Variants in CNTNAP4 observed in about 807,000 individuals in gnomAD.
CNTNAP4 encodes contactin-associated protein-like 4.
A neutral mutation model predicts 148.4 loss-of-function variants in CNTNAP4; 98 were observed. The observed-to-expected ratio is 0.66, with a 90% CI of 0.56 to 0.78. The LOEUF is 0.78. Ranked by LOEUF, CNTNAP4 falls within the 30% of genes least tolerant of loss-of-function variation. The pLI is 0.00. For missense variants in CNTNAP4, 1,935 were observed against 1,565.6 expected (o/e 1.24, Z -3.98); for synonymous variants, 730 against 565.1 (o/e 1.29, Z -4.14).
chr16:76,300,117 A>G (rs1392356843), intron 1 of CNTNAP4, among the ~76,000 whole-genome samples: 1 of 152,210 alleles, frequency 6.6e-6, no homozygotes, highest in Non-Finnish European at 1.5e-5. Context: ...CACGTTGTGC[A>G]CATCTACCCT....
chr16:76,282,523 G>C (rs1328571128), intron 1 of CNTNAP4, among the ~76,000 whole-genome samples: 1 of 151,806 alleles, frequency 6.6e-6, no homozygotes, highest in Non-Finnish European at 1.5e-5. Flanking sequence ...GATCATATGA[G>C]GAAAATGTTT....
chr16:76,478,810 T>C (rs1025884499), intron 11 of CNTNAP4, among the ~76,000 whole-genome samples: 4 of 152,168 alleles, frequency 2.6e-5, no homozygotes, highest in Non-Finnish European at 5.9e-5. Flanking sequence ...TTATCTTGAG[T>C]TCTCATTATG....
intron 2 of CNTNAP4, among the ~76,000 whole-genome samples, chr16:76,317,942 G>C (rs1161980777): frequency 6.6e-6 from 1 of 152,136 alleles, no homozygotes; most frequent in Non-Finnish European, 1.5e-5. Flanking sequence ...GGGAAACTGG[G>C]GGGTGTTTGA....
chr16:76,491,405 T>A lies in CNTNAP4; in HGVS notation c.2080+1522T>A, dbSNP rs2082216820. On this transcript the variant is annotated intron_variant, in intron 13 of 23. Transcript: ENST00000611870. ...TGGACGAATGGTTAATGAATCTCAG[T>A]CTTTGTTTTCTTTTCTCCAAAATGG... 2.0e-5 allele frequency among the ~76,000 whole-genome samples: 3 copies of A among 152,168 alleles called. No individual in the cohort carries two copies. The South Asian group carries it at 6.2e-4, about 32-fold the overall frequency.
intron 14 of CNTNAP4, among the ~76,000 whole-genome samples, chr16:76,496,491 T>A (rs144988081): frequency 3.9e-5 from 6 of 152,044 alleles, no homozygotes; most frequent in African/African-American, 1.4e-4. Flanking sequence ...AGGAAAAAAA[T>A]GTTAGAAAAA....
intron 2 of CNTNAP4, among the ~76,000 whole-genome samples, chr16:76,326,631 A>G (rs1963002635): frequency 6.6e-6 from 1 of 152,186 alleles, no homozygotes; most frequent in Non-Finnish European, 1.5e-5. Flanking sequence ...AAAAATGATG[A>G]GTTCATGTCC....
intron 3 of CNTNAP4, among the ~76,000 whole-genome samples, chr16:76,423,849 A>G (rs757136860): frequency 6.6e-6 from 1 of 152,178 alleles, no homozygotes; most frequent in Non-Finnish European, 1.5e-5. Context: ...AAAGTTATTT[A>G]AAGTATCCAG....
At chr16:76,296,332 T>G (rs1207871371) in intron 1 of CNTNAP4, among the ~76,000 whole-genome samples, 1 of 152,114 alleles carries the variant, frequency 6.6e-6, no homozygotes, top group African/African-American at 2.4e-5. Context: ...CCCCACCCAT[T>G]TGACTTAAAT....
intron 1 of CNTNAP4, among the ~76,000 whole-genome samples, chr16:76,301,026 C>T (rs777038116): frequency 1.3e-5 from 2 of 151,568 alleles, no homozygotes; most frequent in African/African-American, 2.4e-5. Flanking sequence ...GTCAGTTTAA[C>T]AGTATTTTAT....
At chr16:76,312,657 A>T (rs562300136) in intron 1 of CNTNAP4, among the ~76,000 whole-genome samples, 15 of 152,214 alleles carry the variant, frequency 9.9e-5, no homozygotes, top group African/African-American at 3.6e-4. Flanking sequence ...GTCTGATGGA[A>T]CTCCTACACT....
At chr16:76,339,479 A>G (rs954524472) in intron 2 of CNTNAP4, among the ~76,000 whole-genome samples, 6 of 152,164 alleles carry the variant, frequency 3.9e-5, no homozygotes, top group African/African-American at 1.4e-4. Flanking sequence ...GCAAATACTC[A>G]TTTATTCATT....
chr16:76,372,189 G>T (rs1342976844), intron 3 of CNTNAP4, among the ~76,000 whole-genome samples: 7 of 134,106 alleles, frequency 5.2e-5, no homozygotes, highest in Non-Finnish European at 9.2e-5. Context: ...GCCCAGGCTT[G>T]AATGCAGTGG....
chr16:76,277,946 T>C (rs1159022820), intron 1 of CNTNAP4, among the ~76,000 whole-genome samples, 199 bp downstream of exon 1: 1 of 152,208 alleles, frequency 6.6e-6, no homozygotes, highest in Non-Finnish European at 1.5e-5. Context: ...AGGCAAAGTG[T>C]CATTTCTCTT....
intron 9 of CNTNAP4, 75 bp from the exon 10 acceptor site, chr16:76,467,277 T>A: frequency 7.5e-7 from 1 of 1,328,998 alleles, no homozygotes. Context: ...TTCTTTTATT[T>A]TTTAAATGAA....
chr16:76,530,118 C>A (rs146004725), intron 17 of CNTNAP4, among the ~76,000 whole-genome samples: 2 of 152,006 alleles, frequency 1.3e-5, no homozygotes, highest in East Asian at 3.9e-4. Flanking sequence ...ATTATAAGAT[C>A]TTCGACCTCT....
At chr16:76,504,919 C>G (rs1160157044) in intron 15 of CNTNAP4, among the ~76,000 whole-genome samples, 2 of 152,072 alleles carry the variant, frequency 1.3e-5, no homozygotes, top group East Asian at 3.9e-4. Flanking sequence ...CAATATGTAA[C>G]TGTTAACATT....
chr16:76,450,866 A>G (rs766488205), intron 7 of CNTNAP4, among the ~76,000 whole-genome samples: 4 of 152,192 alleles, frequency 2.6e-5, no homozygotes, highest in Non-Finnish European at 5.9e-5. Flanking sequence ...GACCTCAGCA[A>G]TTTTCAGAGG....
intron 21 of CNTNAP4, among the ~76,000 whole-genome samples, chr16:76,546,939 G>A (rs1431122240): frequency 1.3e-5 from 2 of 152,120 alleles, no homozygotes; most frequent in Non-Finnish European, 2.9e-5. Flanking sequence ...GCTTGCTAAT[G>A]GTGATTGGAG....
chr16:76,312,208 T>G (rs931368340), intron 1 of CNTNAP4, among the ~76,000 whole-genome samples: 1 of 152,190 alleles, frequency 6.6e-6, no homozygotes, highest in Non-Finnish European at 1.5e-5. Context: ...TGTCAAATGT[T>G]TAACAGCACC....
Sources: allele counts gnomAD v4.1 joint callset (sites outside exome capture counted in the v4.1 genomes callset), GRCh38; gene constraint gnomAD v4.1.1; transcripts MANE v1.5; gene names NCBI Gene and HGNC (gene_info 2026-07-23, HGNC 2026-07-21).